The following ACER3 variants were observed in gnomAD, a reference collection of about 807,000 sequenced individuals.
ACER3 encodes the protein alkaline ceramidase 3, also known as alkCDase 3.
In ACER3, 16 loss-of-function variants were observed where a neutral mutation model predicts 48.9. The observed-to-expected ratio is 0.33, with a 90% confidence interval of 0.22 to 0.50. ACER3 has a LOEUF of 0.50. Among genes scored for constraint, ACER3 ranks in the 20% least tolerant of loss-of-function variants. ACER3 has a pLI of 0.98. For synonymous variants in ACER3, 109 were observed against 107.8 expected, an observed-to-expected ratio of 1.01 and a Z score of -0.07; for missense variants, 227 against 326.0, an observed-to-expected ratio of 0.70 and a Z score of 2.34.
intron 2 of ACER3, among the ~76,000 whole-genome samples, chr11:76,934,604 A>G (rs1241963065): frequency 1.3e-5 from 2 of 152,192 alleles, no homozygotes; most frequent in Non-Finnish European, 2.9e-5. Flanking sequence ...AGAATCAGGC[A>G]GGGAGGTTGC....
At chr11:76,884,772 A>AT (rs925139435) in intron 1 of ACER3, among the ~76,000 whole-genome samples, 40 of 150,388 alleles carry the variant, frequency 2.7e-4, no homozygotes, top group Non-Finnish European at 4.6e-4. Flanking sequence ...TTCTTTTTTA[A>AT]TTTTTTTTTG....
intron 2 of ACER3, among the ~76,000 whole-genome samples, chr11:76,938,328 C>CT (rs1002659561): frequency 6.6e-6 from 1 of 151,660 alleles, no homozygotes; most frequent in East Asian, 1.9e-4. Flanking sequence ...AAATGAAAAA[C>CT]TTTTTTTTGA....
chr11:77,002,199 T>C (rs1949046626), intron 7 of ACER3, among the ~76,000 whole-genome samples: 1 of 152,212 alleles, frequency 6.6e-6, no homozygotes, highest in African/African-American at 2.4e-5. Context: ...GTTAGGACTT[T>C]AACATATGAA....
intron 1 of ACER3, among the ~76,000 whole-genome samples, chr11:76,867,490 A>G (rs1022009242): frequency 3.6e-4 from 38 of 104,896 alleles, no homozygotes; most frequent in East Asian, 6.5e-4. Flanking sequence ...AAAAAAAAAA[A>G]AAAAAAAGAA....
In ACER3 at chr11:76,879,597, T is replaced by C. The variant is rs187637648; in HGVS notation, c.103+18518T>C. On this transcript the variant is annotated intron_variant, in intron 1 of 10. Transcript: ENST00000532485. The stretch of plus-strand genomic sequence containing the variant: ...TCTTTTGCAGATATCCTGTATTTGA[T>C]TGAGGAAGTTCTTTACTTGTTGAGT... Among the ~76,000 whole-genome samples, 262 of 152,316 alleles carry C rather than the reference T, an allele frequency of 1.7e-3. 2 individuals are homozygous for C. Among genetic ancestry groups the C allele is most frequent in the Non-Finnish European group, 3.3e-3 (223 of 68,010 alleles).
intron 4 of ACER3, 28 bp from the exon 5 acceptor site, chr11:76,985,615 A>G (rs778803515): frequency 1.4e-6 from 2 of 1,425,404 alleles, no homozygotes; most frequent in Non-Finnish European, 1.9e-6. Context: ...ATATTCTTTT[A>G]AAAGTTTCTT....
chr11:76,971,138 G>A (rs1024360018), intron 3 of ACER3, among the ~76,000 whole-genome samples: 7 of 152,006 alleles, frequency 4.6e-5, no homozygotes, highest in Non-Finnish European at 1.0e-4. Context: ...TTGTTCCCAC[G>A]TTTTAAGTAT....
At chr11:77,009,483 G>T (rs570652185) in intron 7 of ACER3, among the ~76,000 whole-genome samples, 37 of 152,248 alleles carry the variant, frequency 2.4e-4, no homozygotes, top group African/African-American at 8.4e-4. Flanking sequence ...CAAAGAAGGA[G>T]CTGCAAACTA....
chr11:76,883,059 A>G (rs915895882), intron 1 of ACER3, among the ~76,000 whole-genome samples: 16 of 151,798 alleles, frequency 1.1e-4, no homozygotes, highest in Admixed American at 9.8e-4. Context: ...ACTGTTTCTT[A>G]TGTACTGTGT....
chr11:77,020,790 A>G lies in ACER3; in HGVS notation c.*463A>G, dbSNP rs1050460141. 2 of 159,006 alleles carry G rather than the reference A, an allele frequency of 1.3e-5. No homozygotes were observed. Among genetic ancestry groups the G allele is most frequent in the Non-Finnish European group, 2.8e-5 (2 of 72,368 alleles). 9.8% of individuals were successfully genotyped at this position (159,006 alleles called of 1,614,324 possible). A position where few individuals can be genotyped will look rare whatever the true frequency, so the allele number is the denominator to read the frequency against. On this transcript the variant is annotated 3_prime_UTR_variant, in exon 11 of 11. Coordinates refer to ENST00000532485, the MANE Select transcript of ACER3 (RefSeq NM_018367.7). ...GTGAGCCAGCACTCAGCTGTGTCAG[A>G]TTTGATTAATATTGTATTAATCTCA...
intron 4 of ACER3, among the ~76,000 whole-genome samples, chr11:76,981,489 CAG>C (rs1485350582): frequency 2.0e-5 from 3 of 152,174 alleles, no homozygotes; most frequent in African/African-American, 7.2e-5. Flanking sequence ...GAAAGAGAAA[CAG>C]AACATTTCTA....
At chr11:76,947,481 T>C (rs1302466248) in intron 2 of ACER3, among the ~76,000 whole-genome samples, 1 of 152,250 alleles carries the variant, frequency 6.6e-6, no homozygotes, top group African/African-American at 2.4e-5. Context: ...TTACGTCTTA[T>C]CAAGGAGAAA....
At chr11:77,008,906 A>T (rs577163649) in intron 7 of ACER3, among the ~76,000 whole-genome samples, 1 of 152,236 alleles carries the variant, frequency 6.6e-6, no homozygotes, top group East Asian at 1.9e-4. Flanking sequence ...AAAGAAATTT[A>T]AAAATTAGCC....
chr11:76,979,936 C>T (rs1591025521), intron 4 of ACER3, among the ~76,000 whole-genome samples: 1 of 151,846 alleles, frequency 6.6e-6, no homozygotes, highest in African/African-American at 2.4e-5. Flanking sequence ...CCCAGGAGTT[C>T]AAGATAAGCC....
At chr11:76,963,141 C>T (rs1483052675) in intron 3 of ACER3, among the ~76,000 whole-genome samples, 4 of 151,236 alleles carry the variant, frequency 2.6e-5, no homozygotes, top group Admixed American at 6.6e-5. Context: ...GTATGATTAG[C>T]GAGCTCCCAG....
At chr11:76,907,400 T>G (rs549956445) in intron 1 of ACER3, among the ~76,000 whole-genome samples, 1 of 152,342 alleles carries the variant, frequency 6.6e-6, no homozygotes, top group East Asian at 1.9e-4. Context: ...GTGGACATGC[T>G]GTGTTTATAT....
chr11:76,896,948 T>TTGG (rs1231579533), intron 1 of ACER3, among the ~76,000 whole-genome samples: 3 of 151,924 alleles, frequency 2.0e-5, no homozygotes, highest in Admixed American at 6.6e-5. Context: ...GTTGTTGTTG[T>TTGG]TGGTTTTTTG....
Position 76,891,153 on chromosome 11 carries a change from T to C in ACER3, c.103+30074T>C, listed in dbSNP as rs535016957. 3.3e-5 allele frequency among the ~76,000 whole-genome samples: 5 copies of C among 151,694 alleles called. No homozygotes were observed. In the South Asian group the frequency reaches 1.0e-3, roughly 32 times the overall value. On this transcript the variant is annotated intron_variant, in intron 1 of 10. Coordinates refer to ENST00000532485, the MANE Select transcript of ACER3 (RefSeq NM_018367.7). ...TTATTACATAATAAAAGAATTGTCT[T>C]AAAACAGTATCATTTCTTTAATCAT...
At chr11:76,873,355 A>G (rs550114232) in intron 1 of ACER3, among the ~76,000 whole-genome samples, 1 of 152,318 alleles carries the variant, frequency 6.6e-6, no homozygotes, top group East Asian at 1.9e-4. Context: ...AGTAAGTTCA[A>G]AAGGATAAGC....
Sources: gnomAD v4.1 joint callset for allele counts (sites outside exome capture counted in the v4.1 genomes callset) on GRCh38, gnomAD v4.1.1 for gene constraint, MANE v1.5 for transcripts, NCBI Gene and HGNC (gene_info 2026-07-23, HGNC 2026-07-21) for gene names.